EML4: variants seen among roughly 807,000 people sequenced by gnomAD.
EML4 encodes EMAP like 4, also known as echinoderm microtubule-associated protein-like 4.
EML4 carries 72 observed loss-of-function variants against 129.0 expected under a neutral mutation model. The ratio of observed to expected loss-of-function variants is 0.56; its 90% CI spans 0.46 to 0.68. The LOEUF (loss-of-function observed/expected upper bound fraction) is 0.68, where lower values mean the gene tolerates loss of function less well. Among genes scored for constraint, EML4 ranks in the 30% least tolerant of loss-of-function variants. The pLI, the probability that EML4 is intolerant of heterozygous loss-of-function variation, is 0.00. For missense variants in EML4, 1,363 were observed against 1,190.6 expected, an observed-to-expected ratio of 1.14 and a Z score of -2.13; for synonymous variants, 532 against 405.0, an observed-to-expected ratio of 1.31 and a Z score of -3.77.
At chr2:42,209,763 C>G (rs1186773153) in intron 1 of EML4, among the ~76,000 whole-genome samples, 1 of 152,104 alleles carries the variant, frequency 6.6e-6, no homozygotes, top group East Asian at 1.9e-4. Context: ...AACCCGGTCT[C>G]TATTAAAAAT....
chr2:42,198,159 G>C (rs1672005396), intron 1 of EML4, among the ~76,000 whole-genome samples: 4 of 152,208 alleles, frequency 2.6e-5, no homozygotes, highest in Admixed American at 2.6e-4. Context: ...AACACCTGTA[G>C]CTTGCTCCTA....
chr2:42,197,435 A>T (rs990183462), intron 1 of EML4, among the ~76,000 whole-genome samples: 10 of 152,220 alleles, frequency 6.6e-5, no homozygotes, highest in Non-Finnish European at 1.0e-4. Context: ...GATATAGGCA[A>T]TAAAAATCAC....
intron 1 of EML4, among the ~76,000 whole-genome samples, chr2:42,213,149 G>C (rs1402893215): frequency 6.6e-6 from 1 of 152,192 alleles, no homozygotes; most frequent in African/African-American, 2.4e-5. Context: ...TTTAATTGAA[G>C]TCTACCTTAA....
intron 1 of EML4, among the ~76,000 whole-genome samples, chr2:42,231,948 C>CAA (rs556284848): frequency 5.5e-4 from 77 of 139,348 alleles, no homozygotes; most frequent in African/African-American, 1.9e-3. Context: ...GACTCCGTCT[C>CAA]AAAAAAAAAA....
intron 9 of EML4, chr2:42,286,056 T>A: frequency 1.6e-6 from 1 of 611,896 alleles, no homozygotes; most frequent in South Asian, 2.0e-5. Flanking sequence ...ATGTGTAACA[T>A]AGTAAATACA....
chr2:42,259,292 A>G (rs1665560161), intron 3 of EML4, among the ~76,000 whole-genome samples: 2 of 151,850 alleles, frequency 1.3e-5, no homozygotes, highest in Non-Finnish European at 2.9e-5. Flanking sequence ...AGAAATAGGC[A>G]TTTAGTAGTT....
chr2:42,328,763 A>T (rs182488802), intron 21 of EML4, 123 bp from the exon 22 acceptor site: 2 of 714,812 alleles, frequency 2.8e-6, no homozygotes, highest in Non-Finnish European at 4.2e-6. Flanking sequence ...AGGAAATGTT[A>T]ACAGCTAAGA....
chr2:42,280,790 A>G, intron 6 of EML4, 60 bp from the exon 7 acceptor site: 1 of 1,333,666 alleles, frequency 7.5e-7, no homozygotes, highest in Non-Finnish European at 1.0e-6. Context: ...TTAATAATCC[A>G]CTTTTGTATG....
intron 1 of EML4, among the ~76,000 whole-genome samples, chr2:42,213,116 C>T (rs867622389): frequency 1.3e-5 from 2 of 152,150 alleles, no homozygotes; most frequent in Admixed American, 6.5e-5. Flanking sequence ...CAGCTTTGCC[C>T]CCACTTCTTA....
At chr2:42,283,946 G>A (rs1158390753) in intron 8 of EML4, among the ~76,000 whole-genome samples, 2 of 152,164 alleles carry the variant, frequency 1.3e-5, no homozygotes, top group Admixed American at 1.3e-4. Flanking sequence ...TGTTCACAGT[G>A]TACAACCGTT....
chr2:42,203,895 T>C (rs1672384853), intron 1 of EML4, among the ~76,000 whole-genome samples: 1 of 152,086 alleles, frequency 6.6e-6, no homozygotes, highest in Admixed American at 6.5e-5. Context: ...GCACTCTGTA[T>C]TTACTCCTTT....
At chr2:42,180,200 C>T (rs796501109) in intron 1 of EML4, among the ~76,000 whole-genome samples, 50 of 152,174 alleles carry the variant, frequency 3.3e-4, no homozygotes, top group African/African-American at 1.2e-3. Context: ...CAGGCAAACC[C>T]TTGAGATAAA....
chr2:42,240,264 AT>A (rs1051299429), intron 1 of EML4, among the ~76,000 whole-genome samples: 8 of 152,184 alleles, frequency 5.3e-5, no homozygotes, highest in African/African-American at 1.9e-4. Flanking sequence ...ATTAATACAC[AT>A]TTTTATTGTG....
intron 17 of EML4, among the ~76,000 whole-genome samples, chr2:42,311,264 G>C (rs931531952): frequency 6.6e-6 from 1 of 152,164 alleles, no homozygotes; most frequent in African/African-American, 2.4e-5. Context: ...GCATTAGTTA[G>C]GGCTTCTCCA....
chr2:42,278,532 C>A (rs992594001), intron 6 of EML4, among the ~76,000 whole-genome samples: 4 of 123,142 alleles, frequency 3.2e-5, no homozygotes, highest in Non-Finnish European at 4.7e-5. Context: ...CGAGCTCATG[C>A]GACTGCACTC....
intron 1 of EML4, among the ~76,000 whole-genome samples, chr2:42,222,885 G>A (rs1340653923): frequency 1.3e-5 from 2 of 151,970 alleles, no homozygotes; most frequent in Non-Finnish European, 2.9e-5. Context: ...TGCAAGCTCC[G>A]CCTCCCGGGT....
chr2:42,195,334 C>T (rs1419425024), intron 1 of EML4, among the ~76,000 whole-genome samples: 1 of 152,052 alleles, frequency 6.6e-6, no homozygotes, highest in African/African-American at 2.4e-5. Flanking sequence ...TTTAAGGATA[C>T]GGTATTCATA....
intron 6 of EML4, among the ~76,000 whole-genome samples, chr2:42,278,363 C>T (rs558954034): frequency 1.3e-5 from 2 of 152,026 alleles, no homozygotes; most frequent in East Asian, 1.9e-4. Context: ...CACTTGAAGT[C>T]GGAAGTTTGA....
At position 42,284,597 on chromosome 2, in the gene EML4, T is replaced by C. The variant is rs1572688165; in HGVS notation, c.942-37T>C. Reference sequence around the variant, plus strand: ...CAAAGGTATTCTGTTGTTTCATGTTTCCTGTGTTTAAAATCATTCTTAATA... The same window carrying C: ...CAAAGGTATTCTGTTGTTTCATGTTCCCTGTGTTTAAAATCATTCTTAATA... On this transcript the variant is annotated intron_variant, in intron 8 of 22. Transcript: ENST00000318522. The C allele has an allele frequency of 3.4e-6, 5 of 1,476,448 alleles. No homozygotes were observed. The African/African-American group carries it at 4.2e-5, about 12-fold the overall frequency. 91.5% of individuals were successfully genotyped at this position (1,476,448 alleles called of 1,614,324 possible).
Sources: gnomAD v4.1 joint callset for allele counts (sites outside exome capture counted in the v4.1 genomes callset) on GRCh38, gnomAD v4.1.1 for gene constraint, MANE v1.5 for transcripts, NCBI Gene and HGNC (gene_info 2026-07-23, HGNC 2026-07-21) for gene names.